Variants in SNX25 observed in about 807,000 individuals in gnomAD.
The protein encoded by SNX25 is sorting nexin 25, also known as sorting nexin-25.
In SNX25, 62 loss-of-function variants were observed where a neutral mutation model predicts 113.7. The observed-to-expected ratio is 0.55, with a 90% CI of 0.44 to 0.67. The LOEUF (loss-of-function observed/expected upper bound fraction) is 0.67. SNX25 is among the 30% of genes least tolerant of loss of function. The pLI, the probability that SNX25 is intolerant of heterozygous loss-of-function variation, is 0.00. For missense variants in SNX25, 1,014 were observed against 1,161.0 expected, an observed-to-expected ratio of 0.87 and a Z score of 1.84; for synonymous variants, 421 against 436.2, an observed-to-expected ratio of 0.97 and a Z score of 0.43.
At chr4:185,220,799 A>G (rs1226722686) in intron 1 of SNX25, among the ~76,000 whole-genome samples, 1 of 151,950 alleles carries the variant, frequency 6.6e-6, no homozygotes, top group Non-Finnish European at 1.5e-5. Flanking sequence ...CCTTCTTGAC[A>G]TCTTCTCCTT....
chr4:185,314,337 A>AT (rs1456391653), intron 7 of SNX25, among the ~76,000 whole-genome samples: 1 of 151,546 alleles, frequency 6.6e-6, no homozygotes, highest in Non-Finnish European at 1.5e-5. Flanking sequence ...AAAAAAAAAA[A>AT]AAAAAAATTA....
chr4:185,370,901 C>T (rs960311834), downstream of SNX25: 1 of 1,406,124 alleles, frequency 7.1e-7, no homozygotes. Flanking sequence ...TGTCCTTGTG[C>T]CTGAAGTGAT....
intron 2 of SNX25, among the ~76,000 whole-genome samples, chr4:185,257,444 A>G (rs1189231321): frequency 1.3e-5 from 2 of 152,154 alleles, no homozygotes; most frequent in Admixed American, 6.5e-5. Context: ...AGCACCCCAA[A>G]TGTGGCTAGT....
intron 7 of SNX25, among the ~76,000 whole-genome samples, chr4:185,320,247 C>T (rs1471890207): frequency 2.0e-5 from 3 of 152,068 alleles, no homozygotes; most frequent in African/African-American, 7.3e-5. Flanking sequence ...CAGTGATAGA[C>T]TAGATAAAGA....
chr4:185,285,761 C>A (rs748303444), intron 5 of SNX25, among the ~76,000 whole-genome samples: 3 of 152,050 alleles, frequency 2.0e-5, no homozygotes, highest in Non-Finnish European at 4.4e-5. Context: ...CTGCATCATC[C>A]TTAGCTTGTA....
chr4:185,330,451 A>G (rs1325050651), intron 9 of SNX25, among the ~76,000 whole-genome samples: 2 of 152,184 alleles, frequency 1.3e-5, no homozygotes, highest in Non-Finnish European at 2.9e-5. Context: ...GGAAACTTTA[A>G]AATGGCGGTG....
intron 5 of SNX25, among the ~76,000 whole-genome samples, chr4:185,285,909 AC>A (rs1243832430): frequency 6.6e-6 from 1 of 151,254 alleles, no homozygotes; most frequent in Non-Finnish European, 1.5e-5. Flanking sequence ...AGTAGCTGGT[AC>A]TACAGGTGTG....
the SNX25 span, chr4:185,375,867 G>C: frequency 2.1e-6 from 1 of 484,104 alleles, no homozygotes; most frequent in Non-Finnish European, 3.7e-6. Context: ...CATGCCCCAC[G>C]CTGAGGAAGC....
In SNX25 at chr4:185,334,624, T is replaced by C. The variant is rs946584080; in HGVS notation, c.1914+1865T>C. Among the ~76,000 whole-genome samples the C allele has an allele frequency of 6.6e-6, 1 of 152,216 alleles. No homozygotes were observed. Among genetic ancestry groups the C allele is most frequent in the Non-Finnish European group, 1.5e-5 (1 of 68,040 alleles). ...ATTCTGGATTCATCTCATTATAAATTAAAATGCATCTATGGGTAACAGTAT... is the reference window on the plus strand; with the variant it reads ...ATTCTGGATTCATCTCATTATAAATCAAAATGCATCTATGGGTAACAGTAT... On this transcript the variant is annotated intron_variant, in intron 10 of 18. Transcript: ENST00000652585. The surrounding 1 kb of genome is among the most constrained non-coding windows in gnomAD (Gnocchi z 4.2).
chr4:185,271,656 A>ATACAATT (rs1748953145), intron 5 of SNX25, among the ~76,000 whole-genome samples: 1 of 152,216 alleles, frequency 6.6e-6, no homozygotes, highest in African/African-American at 2.4e-5. Flanking sequence ...CTATCTTCAA[A>ATACAATT]TTGCTCTCAA....
chr4:185,279,117 T>C (rs1010679937), intron 5 of SNX25, among the ~76,000 whole-genome samples: 3 of 151,216 alleles, frequency 2.0e-5, no homozygotes, highest in African/African-American at 7.3e-5. Flanking sequence ...TTCCAAATTG[T>C]ATATATATTT....
At chr4:185,306,632 A>C (rs1754513721) in intron 6 of SNX25, among the ~76,000 whole-genome samples, 2 of 152,176 alleles carry the variant, frequency 1.3e-5, no homozygotes. Context: ...CCCCAAATTA[A>C]AATTGAGGTC....
intron 1 of SNX25, among the ~76,000 whole-genome samples, chr4:185,233,610 AGCTT>A (rs1742177485): frequency 6.6e-6 from 1 of 151,920 alleles, no homozygotes; most frequent in Non-Finnish European, 1.5e-5. Flanking sequence ...CTTTTTTTCT[AGCTT>A]CTATTCGTTC....
At chr4:185,295,702 G>T (rs533047714) in intron 6 of SNX25, 1 of 152,018 alleles carries the variant, frequency 6.6e-6, no homozygotes, top group African/African-American at 2.4e-5. Context: ...CGCCCTCCTC[G>T]GCCTCTCAAA....
In SNX25 at chr4:185,210,151, A is replaced by ATCC. The variant is rs1278030518; in HGVS notation, c.327_329dup (p.Leu110dup). 1.0e-6 allele frequency: 1 copy of ATCC among 983,440 alleles called. No individual in the cohort carries two copies. Among genetic ancestry groups the ATCC allele is most frequent in the Admixed American group, 6.2e-5 (1 of 16,092 alleles). 60.9% of individuals were successfully genotyped at this position (983,440 alleles called of 1,614,324 possible). Reference sequence around the variant, plus strand: ...CGCGGCGGCCGCCTTCCTGCTGGGGATCCTGTTTGCCCTCGTCTGCCGGAG... The same window carrying ATCC: ...CGCGGCGGCCGCCTTCCTGCTGGGGATCCTCCTGTTTGCCCTCGTCTGCCGGAG... On this transcript the variant is annotated inframe_insertion, in exon 1 of 19. Transcript: ENST00000652585. The surrounding 1 kb of genome is among the most constrained non-coding windows in gnomAD (Gnocchi z 4.4).
intron 5 of SNX25, among the ~76,000 whole-genome samples, chr4:185,272,939 G>A (rs969344665): frequency 6.6e-6 from 1 of 152,138 alleles, no homozygotes; most frequent in Non-Finnish European, 1.5e-5. Flanking sequence ...CTTTATTGTG[G>A]GAGGTTGTTC....
intron 1 of SNX25, among the ~76,000 whole-genome samples, chr4:185,220,807 C>T (rs978275645): frequency 6.6e-6 from 1 of 152,040 alleles, no homozygotes; most frequent in African/African-American, 2.4e-5. Context: ...ACATCTTCTC[C>T]TTATACCCCA....
chr4:185,375,362 A>T, the SNX25 span, among the ~76,000 whole-genome samples: 1 of 145,054 alleles, frequency 6.9e-6, no homozygotes, highest in South Asian at 2.3e-4. Flanking sequence ...AGGCTGAGGC[A>T]GAAGAATCAC....
In SNX25 at chr4:185,215,224, G is replaced by A. The variant is rs112612336; in HGVS notation, c.429+4969G>A. ...AGCCTGGGCGACAGAGCGAGACTCC[G>A]TCTCAAAAAAAAAAAAATCTGGAAT... On this transcript the variant is annotated intron_variant, in intron 1 of 18. Transcript: ENST00000652585. 5.9e-3 allele frequency among the ~76,000 whole-genome samples: 900 copies of A among 151,662 alleles called. 21 individuals carry two copies. Among genetic ancestry groups the A allele is most frequent in the South Asian group, 0.056 (271 of 4,806 alleles).
Sources: allele counts gnomAD v4.1 joint callset (sites outside exome capture counted in the v4.1 genomes callset), GRCh38; gene constraint gnomAD v4.1.1; non-coding constraint Gnocchi (gnomAD v3.1); transcripts MANE v1.5; gene names NCBI Gene and HGNC (gene_info 2026-07-23, HGNC 2026-07-21).